Variants in FAM120A observed in about 807,000 individuals in gnomAD.
FAM120A encodes the protein constitutive coactivator of PPAR-gamma-like protein 1.
A neutral mutation model predicts 109.7 loss-of-function variants in FAM120A; 15 were observed. That is an observed-to-expected ratio of 0.14 (90% CI 0.09 to 0.21). The LOEUF (loss-of-function observed/expected upper bound fraction) is 0.21, where lower values mean the gene tolerates loss of function less well. Among genes scored for constraint, FAM120A ranks in the 10% least tolerant of loss-of-function variants. The probability of loss-of-function intolerance (pLI) is 1.00; values close to 1 mark genes in which losing one functional copy is unlikely to be tolerated. For missense variants in FAM120A, 899 were observed against 1,439.3 expected (o/e 0.62, Z 6.07); for synonymous variants, 493 against 572.8 (o/e 0.86, Z 1.99).
At chr9:93,539,978 T>A (rs1861640168) in intron 10 of FAM120A, among the ~76,000 whole-genome samples, 1 of 152,262 alleles carries the variant, frequency 6.6e-6, no homozygotes, top group Admixed American at 6.5e-5. Context: ...TTGTAATTAA[T>A]TTAATGTAAG....
intron 7 of FAM120A, among the ~76,000 whole-genome samples, chr9:93,516,724 C>G (rs1302462461): frequency 6.6e-6 from 1 of 152,166 alleles, no homozygotes; most frequent in African/African-American, 2.4e-5. Context: ...GGAAATAACA[C>G]TGTTTGCCCA....
Position 93,516,094 on chromosome 9 carries a change from C to G in FAM120A, c.1243C>G (p.Gln415Glu). 6.2e-7 allele frequency: 1 copy of G among 1,613,198 alleles called. No homozygotes were observed. Among genetic ancestry groups the G allele is most frequent in the Non-Finnish European group, 8.5e-7 (1 of 1,179,740 alleles). The change falls in exon 7 of 18, where the codon CAG (glutamine) becomes GAG (glutamate). Residue 415 changes from glutamine (Q) to glutamate (E), a missense_variant. Transcript: ENST00000277165. ...CACGAGCGGGAAGAATCTGACGGAGCAGAACAGCTACAGCAACATTCCTCA... is the reference window on the plus strand; with the variant it reads ...CACGAGCGGGAAGAATCTGACGGAGGAGAACAGCTACAGCAACATTCCTCA... The part of the protein sequence containing the change: ...LDTSGKNLTE[Q>E]NSYSNIPHEG...
intron 11 of FAM120A, among the ~76,000 whole-genome samples, chr9:93,545,038 TG>T (rs1266920013): frequency 6.6e-6 from 1 of 152,220 alleles, no homozygotes; most frequent in African/African-American, 2.4e-5. Context: ...TCATCTGTTT[TG>T]ATGTTCCCTT....
rs773428229 is a variant in FAM120A, at chr9:93,564,263, T to C, written c.3080T>C (p.Val1027Ala). ...RPPYAASAEE[V>A]AKELKSKSGE... The stretch of plus-strand genomic sequence containing the variant: ...CCTTATGCTGCTTCAGCAGAAGAAG[T>C]GGCCAAAGAACTTAAGTCAAAATCT... The change falls in exon 18 of 18, where the codon GTG (valine) becomes GCG (alanine). Residue 1027 changes from valine (V) to alanine (A), a missense_variant. Around this residue, in one of 11 missense-constraint regions of FAM120A, gnomAD observed 170 missense variants for 205.0 expected, o/e 0.83. Transcript: ENST00000277165. 5 of 1,613,514 alleles carry C rather than the reference T, an allele frequency of 3.1e-6. No individual in the cohort carries two copies. The highest frequency in any genetic ancestry group is 4.2e-6 in the Non-Finnish European group (5 of 1,179,434).
Position 93,519,394 on chromosome 9 carries a change from A to G in FAM120A, c.1418+3125A>G, listed in dbSNP as rs1410358362. ...CTAGCTAGGATTACAGTTGCCTACT[A>G]CCATGCCCAGCTAATTTTTTGTATT... On this transcript the variant is annotated intron_variant, in intron 7 of 17. Transcript: ENST00000277165. Among the ~76,000 whole-genome samples, 3 of 152,002 alleles carry G rather than the reference A, an allele frequency of 2.0e-5. No homozygotes were observed. In the East Asian group the frequency reaches 5.8e-4, roughly 29 times the overall value.
intron 12 of FAM120A, among the ~76,000 whole-genome samples, chr9:93,554,363 C>G (rs1432380184): frequency 1.3e-5 from 2 of 152,138 alleles, no homozygotes; most frequent in Non-Finnish European, 2.9e-5. Flanking sequence ...TTGGCACCAG[C>G]CCGTTCCTAA....
intron 1 of FAM120A, among the ~76,000 whole-genome samples, chr9:93,464,461 AG>A (rs952912674): frequency 6.6e-6 from 1 of 152,258 alleles, no homozygotes; most frequent in Admixed American, 6.5e-5. Flanking sequence ...TTTCTTGGGG[AG>A]GGGGTAGACA....
At chr9:93,522,856 C>G (rs1860901736) in intron 7 of FAM120A, among the ~76,000 whole-genome samples, 1 of 152,192 alleles carries the variant, frequency 6.6e-6, no homozygotes. Context: ...TGGACCAAAT[C>G]TGGACTGTGA....
chr9:93,534,675 T>C (rs560100742), intron 10 of FAM120A, among the ~76,000 whole-genome samples: 20 of 152,316 alleles, frequency 1.3e-4, no homozygotes, highest in Middle Eastern at 3.4e-3. Flanking sequence ...GTTATTGTTA[T>C]GTTATTTTTT....
rs117512164 is a variant in FAM120A at position 93,523,734 on chromosome 9, A to G, written c.1419-3421A>G. Among the ~76,000 whole-genome samples the G allele has an allele frequency of 7.4e-3, 1,126 of 152,354 alleles. 7 individuals carry two copies. Among genetic ancestry groups the G allele is most frequent in the Non-Finnish European group, 0.012 (813 of 68,032 alleles). ...CTTCTGATGACAGCGAGAAGTGCCAACAAGGCTGTGAAAGAAGTTTGAGCC... is the reference window on the plus strand; with the variant it reads ...CTTCTGATGACAGCGAGAAGTGCCAGCAAGGCTGTGAAAGAAGTTTGAGCC... On this transcript the variant is annotated intron_variant, in intron 7 of 17. Coordinates refer to ENST00000277165, the MANE Select transcript of FAM120A (RefSeq NM_014612.5).
At chr9:93,467,479 G>T (rs1441298082) in intron 1 of FAM120A, among the ~76,000 whole-genome samples, 2 of 152,118 alleles carry the variant, frequency 1.3e-5, no homozygotes, top group Non-Finnish European at 2.9e-5. Flanking sequence ...GTCCTGGCAG[G>T]TTGGGTATCT....
chr9:93,511,701 G>A (rs1351382668), intron 5 of FAM120A, among the ~76,000 whole-genome samples: 2 of 152,220 alleles, frequency 1.3e-5, no homozygotes, highest in East Asian at 3.8e-4. Flanking sequence ...ATTAAAGGTG[G>A]TAGGGATTAT....
intron 1 of FAM120A, chr9:93,453,602 A>G: frequency 4.1e-6 from 4 of 985,328 alleles, no homozygotes; most frequent in Non-Finnish European, 4.8e-6. Flanking sequence ...CGGAAGTCCC[A>G]CCCACGATCC....
intron 5 of FAM120A, among the ~76,000 whole-genome samples, chr9:93,509,639 CCTCA>C (rs1338864092): frequency 4.6e-5 from 7 of 152,086 alleles, no homozygotes; most frequent in Admixed American, 6.5e-5. Context: ...TATATTAAAT[CCTCA>C]CTTTGTCCTG....
chr9:93,462,883 A>G (rs1233838824), intron 1 of FAM120A, among the ~76,000 whole-genome samples: 4 of 152,226 alleles, frequency 2.6e-5, no homozygotes, highest in Non-Finnish European at 4.4e-5. Context: ...TTAAGGCTCA[A>G]TAACATTCTG....
intron 9 of FAM120A, 120 bp downstream of exon 9, chr9:93,529,700 A>T (rs1381132219): frequency 1.2e-6 from 1 of 824,768 alleles, no homozygotes; most frequent in East Asian, 2.7e-5. Flanking sequence ...TACTTGAAAC[A>T]AAGTTCACTT....
intron 5 of FAM120A, among the ~76,000 whole-genome samples, chr9:93,513,034 A>G (rs922351081): frequency 4.6e-5 from 7 of 152,248 alleles, no homozygotes; most frequent in Admixed American, 2.0e-4. Context: ...CTTCACTTGA[A>G]TGCGGGTGCT....
At position 93,498,941 on chromosome 9, in the gene FAM120A, T is replaced by G; in HGVS notation, c.1030+55T>G. On this transcript the variant is annotated intron_variant, in intron 5 of 17. Coordinates refer to ENST00000277165, the MANE Select transcript of FAM120A (RefSeq NM_014612.5). This position sits in a 1 kb window ranked among gnomAD's most constrained non-coding sequence, Gnocchi z 4.4. ...TGACCATATGATAATCCAAGTAGGT[T>G]TAAATATTCACCATATAATCTTGTA... 9.5e-7 allele frequency: 1 copy of G among 1,054,538 alleles called. No individual in the cohort carries two copies. Among genetic ancestry groups the G allele is most frequent in the Non-Finnish European group, 1.5e-6 (1 of 676,104 alleles). The allele number at this position is 1,054,538 out of a possible 1,614,324, so 65.3% of individuals were successfully genotyped here.
intron 2 of FAM120A, 128 bp downstream of exon 2, chr9:93,471,515 G>T: frequency 8.5e-7 from 1 of 1,178,530 alleles, no homozygotes; most frequent in South Asian, 1.5e-5. Flanking sequence ...CAAGGCGTGG[G>T]CTCTTCCTTA....
Sources: gnomAD v4.1 joint callset for allele counts (sites outside exome capture counted in the v4.1 genomes callset) on GRCh38, gnomAD v4.1.1 for gene constraint, gnomAD v4.1.1 regional missense constraint, Gnocchi (gnomAD v3.1) non-coding constraint, MANE v1.5 for transcripts, NCBI Gene and HGNC (gene_info 2026-07-23, HGNC 2026-07-21) for gene names.